ITPR2: variants seen among roughly 807,000 people sequenced by gnomAD.
The protein encoded by ITPR2 is inositol 1,4,5-trisphosphate-gated calcium channel ITPR2.
Under a neutral mutation model 317.1 loss-of-function variants are expected in ITPR2, and 207 were observed. That is an observed-to-expected ratio of 0.65 (90% confidence interval 0.58 to 0.73). The LOEUF is 0.73. Ranked by LOEUF, ITPR2 falls within the 30% of genes least tolerant of loss-of-function variation. The pLI is 0.00. For synonymous variants in ITPR2, 1,156 were observed against 1,149.1 expected (o/e 1.01, Z -0.12); for missense variants, 2,613 against 3,284.0 (o/e 0.80, Z 4.99).
chr12:26,368,556 G>A (rs1015330220), intron 55 of ITPR2, among the ~76,000 whole-genome samples: 7 of 152,176 alleles, frequency 4.6e-5, no homozygotes, highest in Non-Finnish European at 1.0e-4. Context: ...AGGTCACACA[G>A]CTAGGAAATG....
At chr12:26,819,595 A>G (rs915732856) in intron 1 of ITPR2, among the ~76,000 whole-genome samples, 1 of 152,206 alleles carries the variant, frequency 6.6e-6, no homozygotes, top group Non-Finnish European at 1.5e-5. Context: ...GTTAAAGTAT[A>G]AAATGTCTCC....
At chr12:26,824,349 G>C (rs1321204852) in intron 1 of ITPR2, among the ~76,000 whole-genome samples, 1 of 152,016 alleles carries the variant, frequency 6.6e-6, no homozygotes, top group Admixed American at 6.6e-5. Context: ...ATTGTAAATT[G>C]GTTATCATCT....
chr12:26,623,346 AC>A (rs1204416147), intron 24 of ITPR2: 1 of 151,952 alleles, frequency 6.6e-6, no homozygotes, highest in Non-Finnish European at 1.5e-5. Flanking sequence ...ATCATTAGTC[AC>A]TTAGTAGCCG....
At chr12:26,354,083 G>A (rs10842717) in intron 55 of ITPR2, among the ~76,000 whole-genome samples, 57,503 of 151,810 alleles carry the variant, frequency 0.38, 11,406 homozygotes, top group African/African-American at 0.48. Flanking sequence ...AGACCAGCCC[G>A]GCCAACATGG....
intron 2 of ITPR2, among the ~76,000 whole-genome samples, chr12:26,785,554 T>TG (rs1165122699): frequency 2.3e-4 from 4 of 17,546 alleles, no homozygotes; most frequent in African/African-American, 5.9e-4. Flanking sequence ...AGGAGGGAGG[T>TG]GGGGGGGGTC....
chr12:26,529,904 A>AC (rs1190976582), intron 37 of ITPR2, among the ~76,000 whole-genome samples: 1 of 152,230 alleles, frequency 6.6e-6, no homozygotes, highest in Non-Finnish European at 1.5e-5. Flanking sequence ...AGAATGGACC[A>AC]TGCCATTTCA....
At chr12:26,782,403 A>T (rs1199302404) in intron 2 of ITPR2, among the ~76,000 whole-genome samples, 1 of 152,200 alleles carries the variant, frequency 6.6e-6, no homozygotes, top group Non-Finnish European at 1.5e-5. Context: ...ACTAAAAAAA[A>T]AAAAGTAAGA....
At chr12:26,684,974 T>C (rs1189046578) in intron 11 of ITPR2, among the ~76,000 whole-genome samples, 1 of 151,920 alleles carries the variant, frequency 6.6e-6, no homozygotes, top group African/African-American at 2.4e-5. Context: ...ATATAAGGTA[T>C]GAAATTCAGC....
chr12:26,660,964 CATA>C (rs1423155323), intron 15 of ITPR2, among the ~76,000 whole-genome samples: 5 of 150,832 alleles, frequency 3.3e-5, no homozygotes, highest in Non-Finnish European at 5.9e-5. Context: ...ATATATACTA[CATA>C]ATAATAATAA....
intron 7 of ITPR2, 65 bp downstream of exon 7, chr12:26,715,687 A>G: frequency 1.9e-6 from 2 of 1,068,558 alleles, no homozygotes; most frequent in Non-Finnish European, 2.8e-6. Context: ...TAGGTTTTGC[A>G]TCTAGAATTT....
chr12:26,522,410 A>C (rs1436904396), intron 37 of ITPR2, among the ~76,000 whole-genome samples: 1 of 152,208 alleles, frequency 6.6e-6, no homozygotes, highest in Non-Finnish European at 1.5e-5. Flanking sequence ...CGCTTTACAC[A>C]TAATAAATCA....
At position 26,657,732 on chromosome 12, in the gene ITPR2, C is replaced by T. The variant is rs201543968; in HGVS notation, c.2167G>A (p.Asp723Asn). Residue 723 changes from aspartate to asparagine, a missense_variant, in exon 18 of 57, where the codon GAC becomes AAC. This residue lies in a region of ITPR2 where 817 missense variants were observed against 897.6 expected (regional missense o/e 0.91). Transcript: ENST00000381340. ...CTGTAATAGGTAAGAACTTCTAAGT[C>T]AGCTTTGGTGCCTTCTTTTGCCTCT... ...AQEAKEGTKA[D>N]LEVLTYYRYQ... The T allele has an allele frequency of 1.2e-4, 194 of 1,614,044 alleles. 1 individual carries two copies. In the East Asian group the frequency reaches 4.3e-3, roughly 36 times the overall value.
chr12:26,344,853 G>A (rs1313654803), intron 55 of ITPR2, among the ~76,000 whole-genome samples: 2 of 152,298 alleles, frequency 1.3e-5, no homozygotes, highest in South Asian at 2.1e-4. Flanking sequence ...CTGTGCTTAA[G>A]TGCAAAAGCT....
chr12:26,401,961 G>C (rs1940193324), intron 52 of ITPR2, among the ~76,000 whole-genome samples: 1 of 152,206 alleles, frequency 6.6e-6, no homozygotes, highest in African/African-American at 2.4e-5. Context: ...TCTGTGCTTG[G>C]TCACTTACCT....
chr12:26,832,210 T>C (rs1041318940), intron 1 of ITPR2, among the ~76,000 whole-genome samples: 3 of 152,198 alleles, frequency 2.0e-5, no homozygotes, highest in African/African-American at 4.8e-5. Context: ...CGCCACACTT[T>C]GGCTCACCAC....
At chr12:26,462,154 C>CTTTTGTTTTGTCTTGTTTTGTTTTG (rs1555133876) in intron 45 of ITPR2, among the ~76,000 whole-genome samples, 10 of 149,574 alleles carry the variant, frequency 6.7e-5, no homozygotes, top group African/African-American at 2.5e-4. Flanking sequence ...ACAAGGAAAA[C>CTTTTGTTTTGTCTTGTTTTGTTTTG]TTTTGTTTTG....
At chr12:26,727,362 G>A (rs1296527797) in intron 2 of ITPR2, among the ~76,000 whole-genome samples, 1 of 152,164 alleles carries the variant, frequency 6.6e-6, no homozygotes, top group Non-Finnish European at 1.5e-5. Context: ...ACAAATCCAT[G>A]ATCAAGGGGA....
chr12:26,657,118 T>TAG (rs1947387423), intron 18 of ITPR2, among the ~76,000 whole-genome samples: 1 of 152,224 alleles, frequency 6.6e-6, no homozygotes, highest in Non-Finnish European at 1.5e-5. Context: ...TGGGCCCAAC[T>TAG]TGGCCCCAAG....
intron 52 of ITPR2, among the ~76,000 whole-genome samples, chr12:26,402,111 G>A (rs754907807): frequency 3.3e-5 from 5 of 152,196 alleles, no homozygotes; most frequent in Non-Finnish European, 5.9e-5. Flanking sequence ...CCAGACCAAG[G>A]GTGGGGGAAG....
Sources: allele counts gnomAD v4.1 joint callset (sites outside exome capture counted in the v4.1 genomes callset), GRCh38; gene constraint gnomAD v4.1.1; regional missense constraint gnomAD v4.1.1; transcripts MANE v1.5; gene names NCBI Gene and HGNC (gene_info 2026-07-23, HGNC 2026-07-21).